GPHN: variants seen among roughly 807,000 people sequenced by gnomAD.
The protein encoded by GPHN is gephyrin.
GPHN carries 17 observed loss-of-function variants against 95.5 expected under a neutral mutation model. The ratio of observed to expected loss-of-function variants is 0.18; its 90% CI spans 0.12 to 0.27. GPHN has a LOEUF of 0.27. Ranked by LOEUF, GPHN falls within the 10% of genes least tolerant of loss-of-function variation. The probability of loss-of-function intolerance (pLI) is 1.00; values close to 1 mark genes in which losing one functional copy is unlikely to be tolerated. For synonymous variants in GPHN, 320 were observed against 322.5 expected, an observed-to-expected ratio of 0.99 and a Z score of 0.08; for missense variants, 660 against 978.1, an observed-to-expected ratio of 0.67 and a Z score of 4.34.
chr14:67,541,184 G>T, the GPHN span, among the ~76,000 whole-genome samples: 2 of 152,142 alleles, frequency 1.3e-5, no homozygotes, highest in East Asian at 3.8e-4. Flanking sequence ...ATTATATTTT[G>T]TTTCCATTTT....
intron 3 of GPHN, among the ~76,000 whole-genome samples, chr14:66,780,248 C>T (rs772335478): frequency 2.1e-4 from 32 of 152,060 alleles, no homozygotes; most frequent in Non-Finnish European, 4.1e-4. Context: ...TCCAATAAGT[C>T]ATTGAATAAA....
the GPHN span, chr14:67,345,921 C>G: frequency 4.4e-5 from 52 of 1,169,286 alleles, no homozygotes; most frequent in South Asian, 6.8e-4. Flanking sequence ...AATATCTTCC[C>G]TATAAAATTC....
intron 2 of GPHN, chr14:66,709,530 G>A (rs1429359228): frequency 2.5e-6 from 1 of 394,070 alleles, no homozygotes; most frequent in Non-Finnish European, 5.2e-6. Flanking sequence ...ATGTCCCAGT[G>A]GGATGGAGTG....
the GPHN span, chr14:67,473,762 G>A: frequency 3.1e-6 from 5 of 1,613,674 alleles, no homozygotes; most frequent in Non-Finnish European, 4.2e-6. The surrounding 1 kb of genome is among the most constrained non-coding windows in gnomAD (Gnocchi z 6.5). Flanking sequence ...GGATGGAGGT[G>A]CCGTAGATGA....
intron 18 of GPHN, among the ~76,000 whole-genome samples, chr14:67,152,454 CTTTA>C (rs1435912140): frequency 7.1e-6 from 1 of 140,758 alleles, no homozygotes; most frequent in Non-Finnish European, 1.5e-5. Context: ...GTTTCCAAGA[CTTTA>C]TTTAACTCAA....
At chr14:67,428,655 T>C in the GPHN span, among the ~76,000 whole-genome samples, 1 of 152,240 alleles carries the variant, frequency 6.6e-6, no homozygotes, top group Non-Finnish European at 1.5e-5. Context: ...CGGGTGAAAC[T>C]GCATTGTCAG....
chr14:66,683,648 T>C (rs2067143911), intron 2 of GPHN, among the ~76,000 whole-genome samples: 1 of 147,754 alleles, frequency 6.8e-6, no homozygotes, highest in African/African-American at 2.5e-5. Context: ...CAACATTGAA[T>C]AGGAAGTATA....
the GPHN span, chr14:67,729,871 A>G: frequency 1.8e-5 from 8 of 453,124 alleles, no homozygotes; most frequent in Non-Finnish European, 3.1e-5. Flanking sequence ...TCATGAACTC[A>G]ATGAGCAACT....
At chr14:67,491,123 G>A in the GPHN span, among the ~76,000 whole-genome samples, 2 of 152,156 alleles carry the variant, frequency 1.3e-5, no homozygotes, top group African/African-American at 2.4e-5. Flanking sequence ...TCCCATGACC[G>A]CCTCCTTGGG....
At chr14:66,809,185 A>C (rs2060664411) in intron 3 of GPHN, among the ~76,000 whole-genome samples, 1 of 152,146 alleles carries the variant, frequency 6.6e-6, no homozygotes, top group African/African-American at 2.4e-5. Flanking sequence ...ACAGAGACAG[A>C]CCACTTAGTG....
At chr14:67,190,678 A>C in the GPHN span, among the ~76,000 whole-genome samples, 1 of 152,194 alleles carries the variant, frequency 6.6e-6, no homozygotes, top group Admixed American at 6.5e-5. Flanking sequence ...TTTCTCTTCA[A>C]AGCTGAAAGG....
the GPHN span, among the ~76,000 whole-genome samples, chr14:67,697,017 T>C: frequency 6.6e-6 from 1 of 152,238 alleles, no homozygotes; most frequent in African/African-American, 2.4e-5. Flanking sequence ...ATATTTGTAT[T>C]GGGTTTTATA....
At chr14:67,276,324 T>C in the GPHN span, among the ~76,000 whole-genome samples, 2 of 152,210 alleles carry the variant, frequency 1.3e-5, no homozygotes, top group Non-Finnish European at 2.9e-5. Context: ...TTTCTGAAAG[T>C]GCCATTCTGT....
the GPHN span, among the ~76,000 whole-genome samples, chr14:67,634,512 T>G: frequency 6.6e-6 from 1 of 151,032 alleles, no homozygotes; most frequent in South Asian, 2.1e-4. Context: ...GAAGATGGCT[T>G]GAGCCTGGGA....
intron 1 of GPHN, among the ~76,000 whole-genome samples, chr14:66,545,484 G>A (rs1273229476): frequency 1.5e-4 from 18 of 123,106 alleles, no homozygotes; most frequent in African/African-American, 5.5e-4. Flanking sequence ...CTCACCTCCC[G>A]GACGGGGCGG....
intron 5 of GPHN, among the ~76,000 whole-genome samples, chr14:66,908,938 A>G (rs1310396491): frequency 2.0e-5 from 3 of 152,114 alleles, no homozygotes; most frequent in Non-Finnish European, 4.4e-5. Context: ...CAAGAAAAGC[A>G]TAAGGAGACA....
At chr14:67,377,791 A>T in the GPHN span, among the ~76,000 whole-genome samples, 1 of 152,132 alleles carries the variant, frequency 6.6e-6, no homozygotes, top group Non-Finnish European at 1.5e-5. Flanking sequence ...CTCTTGGAGC[A>T]AACACTGCGT....
At chr14:66,711,749 C>T (rs897046372) in intron 2 of GPHN, among the ~76,000 whole-genome samples, 3 of 145,884 alleles carry the variant, frequency 2.1e-5, no homozygotes, top group African/African-American at 7.4e-5. Flanking sequence ...CAGCCCCCTA[C>T]CCCCCCACAG....
chr14:66,628,895 A>G (rs10148212), intron 1 of GPHN, among the ~76,000 whole-genome samples: 2 of 150,078 alleles, frequency 1.3e-5, no homozygotes, highest in Non-Finnish European at 3.0e-5. Flanking sequence ...CCTTATCTAT[A>G]CAAAAAAATA....
Sources: allele counts gnomAD v4.1 joint callset (sites outside exome capture counted in the v4.1 genomes callset), GRCh38; gene constraint gnomAD v4.1.1; non-coding constraint Gnocchi (gnomAD v3.1); transcripts MANE v1.5; gene names NCBI Gene and HGNC (gene_info 2026-07-23, HGNC 2026-07-21).